Variants in TRAK1 observed in about 807,000 individuals in gnomAD.
TRAK1 encodes the protein trafficking kinesin protein 1, also known as trafficking kinesin-binding protein 1.
A neutral mutation model predicts 92.1 loss-of-function variants in TRAK1; 33 were observed. The ratio of observed to expected loss-of-function variants is 0.36; its 90% CI spans 0.27 to 0.48. The LOEUF (loss-of-function observed/expected upper bound fraction) is 0.48. Ranked by LOEUF, TRAK1 falls within the 20% of genes least tolerant of loss-of-function variation. The probability of loss-of-function intolerance (pLI) is 0.99; values close to 1 mark genes in which losing one functional copy is unlikely to be tolerated. For missense variants in TRAK1, 1,123 were observed against 1,257.9 expected (o/e 0.89, Z 1.62); for synonymous variants, 521 against 517.3 (o/e 1.01, Z -0.10).
chr3:42,053,389 G>A (rs1393420834), intron 1 of TRAK1, among the ~76,000 whole-genome samples: 3 of 126,042 alleles, frequency 2.4e-5, no homozygotes, highest in Non-Finnish European at 5.3e-5. Flanking sequence ...GGGGGGGGGC[G>A]GGGGATGGCA....
chr3:42,188,053 G>A lies in TRAK1; in HGVS notation c.489G>A (p.Gln163=). ...CTGCTCTGCTTGTGCAGGTGTCTCA[G>A]CTCCGGCATGAGCTGTCCATGAAGG... ...QVEHIREEVS[Q]LRHELSMKDE... Residue 163 remains glutamine, a synonymous_variant, in exon 5 of 16, where the codon CAG becomes CAA. Transcript: ENST00000327628. 1.2e-6 allele frequency: 2 copies of A among 1,614,026 alleles called. No individual in the cohort carries two copies. Among genetic ancestry groups the A allele is most frequent in the Non-Finnish European group, 1.7e-6 (2 of 1,180,020 alleles).
intron 2 of TRAK1, chr3:42,149,665 G>A (rs1699735440): frequency 6.5e-7 from 1 of 1,533,696 alleles, no homozygotes; most frequent in Non-Finnish European, 8.7e-7. Flanking sequence ...TGGGTGGGGG[G>A]TGTCCTGAAA....
At chr3:42,147,383 A>G (rs1021092937) in intron 2 of TRAK1, among the ~76,000 whole-genome samples, 2 of 152,174 alleles carry the variant, frequency 1.3e-5, no homozygotes, top group African/African-American at 4.8e-5. Context: ...AGATGATGAC[A>G]GAGGGGCACA....
chr3:42,032,793 C>G (rs1340819520), intron 1 of TRAK1, among the ~76,000 whole-genome samples: 2 of 152,126 alleles, frequency 1.3e-5, no homozygotes, highest in East Asian at 1.9e-4. Context: ...CATAGCGGTG[C>G]GTGCCTGTCG....
chr3:42,203,326 A>G (rs2149480413), intron 13 of TRAK1: 3 of 988,020 alleles, frequency 3.0e-6, no homozygotes, highest in South Asian at 4.7e-5. Context: ...CCTAGAGTCT[A>G]CAATTTGGAG....
At chr3:42,023,408 G>A (rs187599755) in intron 1 of TRAK1, among the ~76,000 whole-genome samples, 13 of 152,226 alleles carry the variant, frequency 8.5e-5, no homozygotes, top group Non-Finnish European at 1.6e-4. Context: ...GCAGGGTTGG[G>A]TGGCATTAGG....
At chr3:42,088,398 C>T (rs1462080184), upstream of TRAK1, among the ~76,000 whole-genome samples, 1 of 152,172 alleles carries the variant, frequency 6.6e-6, no homozygotes, top group Non-Finnish European at 1.5e-5. Context: ...CCGCTTGTGA[C>T]TGAGTCCCTC....
intron 1 of TRAK1, among the ~76,000 whole-genome samples, chr3:42,075,442 T>C (rs1559739599): frequency 6.6e-6 from 1 of 151,930 alleles, no homozygotes; most frequent in Non-Finnish European, 1.5e-5. Context: ...AGTGCTGCGA[T>C]GAAGATACAT....
intron 12 of TRAK1, 33 bp downstream of exon 12, chr3:42,201,087 T>G: frequency 6.2e-7 from 1 of 1,604,398 alleles, no homozygotes; most frequent in Non-Finnish European, 8.5e-7. Flanking sequence ...CTTCTCTGTT[T>G]TGGGGTGAGG....
chr3:42,181,811 A>T (rs374576311), intron 3 of TRAK1, among the ~76,000 whole-genome samples: 5 of 152,170 alleles, frequency 3.3e-5, no homozygotes, highest in Admixed American at 6.5e-5. Context: ...AACCACTTGG[A>T]CTAGGTGCTA....
chr3:42,217,637 C>T (rs1709867658), intron 14 of TRAK1: 3 of 985,400 alleles, frequency 3.0e-6, no homozygotes, highest in Non-Finnish European at 3.6e-6. Context: ...GATTTTAAAT[C>T]CAGCCTTCCC....
intron 2 of TRAK1, among the ~76,000 whole-genome samples, chr3:42,150,413 A>G (rs1192461063): frequency 6.6e-6 from 1 of 152,168 alleles, no homozygotes; most frequent in Non-Finnish European, 1.5e-5. Context: ...TACACAGTTA[A>G]TCTGTCTTTA....
chr3:42,177,200 C>T (rs1365484199), intron 3 of TRAK1, among the ~76,000 whole-genome samples: 3 of 152,100 alleles, frequency 2.0e-5, no homozygotes, highest in African/African-American at 7.2e-5. Context: ...TTAAGTGCAT[C>T]CAAAAAATGT....
At chr3:42,180,489 C>G (rs1426472317) in intron 3 of TRAK1, among the ~76,000 whole-genome samples, 1 of 151,836 alleles carries the variant, frequency 6.6e-6, no homozygotes, top group African/African-American at 2.4e-5. Flanking sequence ...GACGCTGTAA[C>G]TGAAGAAGAG....
chr3:42,168,661 C>T (rs904594009), intron 2 of TRAK1, among the ~76,000 whole-genome samples: 3 of 152,080 alleles, frequency 2.0e-5, no homozygotes, highest in African/African-American at 7.2e-5. Context: ...TGGCTCACTG[C>T]AACCTCCACC....
At chr3:42,015,056 C>T (rs1020278226) in intron 1 of TRAK1, among the ~76,000 whole-genome samples, 2 of 152,186 alleles carry the variant, frequency 1.3e-5, no homozygotes, top group South Asian at 4.1e-4. Flanking sequence ...TGGAGCCAGT[C>T]TGCACTGGGG....
chr3:42,038,651 G>A (rs1264184913), intron 1 of TRAK1, among the ~76,000 whole-genome samples: 1 of 151,792 alleles, frequency 6.6e-6, no homozygotes, highest in Non-Finnish European at 1.5e-5. Flanking sequence ...TGCCGGGCGT[G>A]GTGGCGGGCG....
chr3:42,114,100 C>T lies in TRAK1; in HGVS notation c.92-11320C>T, dbSNP rs142419604. The stretch of plus-strand genomic sequence containing the variant: ...CATTCAATATGTGGTCTTTTGAGGC[C>T]GGCTTCTTTCACTTAGCATAATATT... On this transcript the variant is annotated intron_variant, in intron 1 of 15. Coordinates refer to ENST00000327628, the MANE Select transcript of TRAK1 (RefSeq NM_001042646.3). Among the ~76,000 whole-genome samples the T allele has an allele frequency of 7.4e-3, 1,130 of 152,232 alleles. 13 individuals carry two copies. Among genetic ancestry groups the T allele is most frequent in the African/African-American group, 0.026 (1,068 of 41,532 alleles).
chr3:42,163,944 A>G (rs1462235750), intron 2 of TRAK1, among the ~76,000 whole-genome samples: 4 of 152,344 alleles, frequency 2.6e-5, no homozygotes, highest in Admixed American at 2.0e-4. Context: ...AACATGCTTC[A>G]TTTACTTTGT....
Sources: allele counts gnomAD v4.1 joint callset (sites outside exome capture counted in the v4.1 genomes callset), GRCh38; gene constraint gnomAD v4.1.1; transcripts MANE v1.5; gene names NCBI Gene and HGNC (gene_info 2026-07-23, HGNC 2026-07-21).